Variants in OR1I1 observed in about 807,000 individuals in gnomAD.
The protein encoded by OR1I1 is olfactory receptor family 1 subfamily I member 1.
For missense variants in OR1I1, 451 were observed against 443.6 expected, an observed-to-expected ratio of 1.02 and a Z score of -0.15; for synonymous variants, 171 against 181.4, an observed-to-expected ratio of 0.94 and a Z score of 0.46.
rs1292750205 is a variant in OR1I1 at position 15,091,693 on chromosome 19, G to C, written c.*3560G>C. On this transcript the variant is annotated 3_prime_UTR_variant, in exon 2 of 2. Coordinates refer to ENST00000641398, the MANE Select transcript of OR1I1 (RefSeq NM_001004713.2). ...AAAAATACAAAACTTAGCCAGGCGT[G>C]GTGGCCCACACCTGTAGTCCCAGCT... 6.6e-6 allele frequency: 1 copy of C among 151,370 alleles called. No homozygotes were observed. The highest frequency in any genetic ancestry group is 1.9e-4 in the East Asian group (1 of 5,166). The allele number at this position is 151,370 out of a possible 1,614,324, so 9.4% of individuals were successfully genotyped here. A position where few individuals can be genotyped will look rare whatever the true frequency, so the allele number is the denominator to read the frequency against.
At position 15,092,925 on chromosome 19, in the gene OR1I1, G is replaced by A. The variant is rs370829827; in HGVS notation, c.*4792G>A. The A allele has an allele frequency of 1.4e-4, 21 of 152,270 alleles. No individual in the cohort carries two copies. In the East Asian group the frequency reaches 3.9e-3, roughly 28 times the overall value. The allele number at this position is 152,270 out of a possible 1,614,324, so 9.4% of individuals were successfully genotyped here. A position where few individuals can be genotyped will look rare whatever the true frequency, so the allele number is the denominator to read the frequency against. On this transcript the variant is annotated 3_prime_UTR_variant, in exon 2 of 2. Transcript: ENST00000641398. ...GAGGAAGGAGGATCACTTAAGCCCA[G>A]GAGGTCAAGGCTGCAGTGAGCTATG...
intron 1 of OR1I1, among the ~76,000 whole-genome samples, chr19:15,085,167 TA>T (rs1555717376): frequency 0.093 from 3,874 of 41,534 alleles, 522 homozygotes; most frequent in Non-Finnish European, 0.12. Context: ...TATATATATA[TA>T]TATATATATT....
At chr19:15,083,437 C>T (rs1178862306) in intron 1 of OR1I1, among the ~76,000 whole-genome samples, 1 of 152,146 alleles carries the variant, frequency 6.6e-6, no homozygotes, top group Non-Finnish European at 1.5e-5. Flanking sequence ...GACCCTGAAG[C>T]GTGCTCAAGG....
At position 15,088,705 on chromosome 19, in the gene OR1I1, TAGATAGACAGAC is replaced by T. The variant is rs1216909360; in HGVS notation, c.*580_*591del. On this transcript the variant is annotated 3_prime_UTR_variant, in exon 2 of 2. Coordinates refer to ENST00000641398, the MANE Select transcript of OR1I1 (RefSeq NM_001004713.2). Reference sequence around the variant, plus strand: ...ATAGATAGATAGATAGATAGATAGATAGATAGACAGACAGATAGATAGAGAGGATAAGATAAG... The same window carrying T: ...ATAGATAGATAGATAGATAGATAGATAGATAGATAGAGAGGATAAGATAAG... 5 of 35,008 alleles carry T rather than the reference TAGATAGACAGAC, an allele frequency of 1.4e-4. No individual in the cohort carries two copies. The highest frequency in any genetic ancestry group is 3.0e-4 in the African/African-American group (5 of 16,810). The allele number at this position is 35,008 out of a possible 1,614,324, so 2.2% of individuals were successfully genotyped here.
rs537212609 is a variant in OR1I1 at position 15,086,831 on chromosome 19, G to A, written c.-13-222G>A. The stretch of plus-strand genomic sequence containing the variant: ...ATCCAAGTTGACTATGAGCGACTCC[G>A]TTAGATCCTTGAGACCCTGACTGTC... On this transcript the variant is annotated intron_variant, in intron 1 of 1. Coordinates refer to ENST00000641398, the MANE Select transcript of OR1I1 (RefSeq NM_001004713.2). The A allele has an allele frequency of 2.2e-4, 132 of 612,944 alleles. 1 individual carries two copies. The highest frequency in any genetic ancestry group is 2.1e-3 in the African/African-American group (116 of 54,226). The allele number at this position is 612,944 out of a possible 1,614,324, so 38.0% of individuals were successfully genotyped here. A position where few individuals can be genotyped will look rare whatever the true frequency, so the allele number is the denominator to read the frequency against.
chr19:15,085,698 G>T (rs559351077), intron 1 of OR1I1, among the ~76,000 whole-genome samples: 2 of 150,314 alleles, frequency 1.3e-5, no homozygotes, highest in African/African-American at 4.9e-5. Context: ...CCCACCTCCC[G>T]CCCCCAGCCC....
intron 1 of OR1I1, among the ~76,000 whole-genome samples, chr19:15,082,842 C>T (rs1164781513): frequency 3.9e-5 from 6 of 152,062 alleles, no homozygotes; most frequent in Non-Finnish European, 7.4e-5. Context: ...CAGGGTCTCG[C>T]TCTGTTGCCC....
At chr19:15,086,863 A>T in intron 1 of OR1I1, 190 bp from the exon 2 acceptor site, 1 of 802,978 alleles carries the variant, frequency 1.2e-6, no homozygotes, top group Non-Finnish European at 1.9e-6. Flanking sequence ...TGTCTCAGGC[A>T]TGAATGACTT....
In OR1I1 at chr19:15,087,180, A is replaced by C. The variant is rs1295680555; in HGVS notation, c.115A>C (p.Ile39Leu). The change falls in exon 2 of 2, where the codon ATC (isoleucine) becomes CTC (leucine). Residue 39 changes from isoleucine (I) to leucine (L), a missense_variant. By Grantham distance (5) the Ile-to-Leu change is conservative (BLOSUM62 2). Transcript: ENST00000641398. ...GTTCCTCTCCACATACCTGGTCACC[A>C]TCATTGGAAATGCCCTCATTATCCT... ...TMFLSTYLVT[I>L]IGNALIILAI... is the part of the protein sequence containing the mutation. 6.2e-7 allele frequency: 1 copy of C among 1,613,942 alleles called. No individual in the cohort carries two copies. The highest frequency in any genetic ancestry group is 8.5e-7 in the Non-Finnish European group (1 of 1,179,996).
At position 15,090,781 on chromosome 19, in the gene OR1I1, G is replaced by A. The variant is rs1194509278; in HGVS notation, c.*2648G>A. The A allele has an allele frequency of 6.6e-6, 1 of 152,036 alleles. No homozygotes were observed. Among genetic ancestry groups the A allele is most frequent in the Non-Finnish European group, 1.5e-5 (1 of 68,118 alleles). 9.4% of individuals were successfully genotyped at this position (152,036 alleles called of 1,614,324 possible). A position where few individuals can be genotyped will look rare whatever the true frequency, so the allele number is the denominator to read the frequency against. ...CAGCTATATATATTTGTAGAGACAGGGTCTCACTATGTTGCCCAGGCTGGT... is the reference window on the plus strand; with the variant it reads ...CAGCTATATATATTTGTAGAGACAGAGTCTCACTATGTTGCCCAGGCTGGT... On this transcript the variant is annotated 3_prime_UTR_variant, in exon 2 of 2. Transcript: ENST00000641398.
In OR1I1 at chr19:15,087,163, C is replaced by T. The variant is rs765883662; in HGVS notation, c.98C>T (p.Ser33Phe). Residue 33 changes from serine to phenylalanine, a missense_variant, in exon 2 of 2, where the codon TCC (serine) becomes TTC (phenylalanine). By Grantham distance (155) the Ser-to-Phe change is radical. Transcript: ENST00000641398. The part of the protein sequence containing the change: ...HQTLLFTMFL[S>F]TYLVTIIGNA... ...ACCCTCCTCTTCACAATGTTCCTCT[C>T]CACATACCTGGTCACCATCATTGGA... The T allele has an allele frequency of 1.9e-6, 3 of 1,614,112 alleles. No individual in the cohort carries two copies. Among genetic ancestry groups the T allele is most frequent in the Admixed American group, 1.7e-5 (1 of 60,002 alleles).
chr19:15,086,996 A>C, intron 1 of OR1I1, 57 bp from the exon 2 acceptor site: 16 of 1,528,430 alleles, frequency 1.0e-5, no homozygotes, highest in Non-Finnish European at 1.4e-5. Context: ...CTGGGACCAG[A>C]ATGGCATCTC....
rs1568323063 is a variant in OR1I1 at position 15,088,810 on chromosome 19, T to TAGATAGAC, written c.*684_*685insCAGATAGA. 2.7e-5 allele frequency: 4 copies of TAGATAGAC among 150,782 alleles called. No homozygotes were observed. The South Asian group carries it at 8.4e-4, about 32-fold the overall frequency. 9.3% of individuals were successfully genotyped at this position (150,782 alleles called of 1,614,324 possible). On this transcript the variant is annotated 3_prime_UTR_variant, in exon 2 of 2. Coordinates refer to ENST00000641398, the MANE Select transcript of OR1I1 (RefSeq NM_001004713.2). ...ATAGATAGATAGATAGATAGATAGA[T>TAGATAGAC]AGATAGATAGATATACAGATAGATA...
intron 1 of OR1I1, among the ~76,000 whole-genome samples, chr19:15,083,270 G>T (rs150436678): frequency 6.6e-6 from 1 of 152,002 alleles, no homozygotes; most frequent in African/African-American, 2.4e-5. Context: ...GATCCAGGGC[G>T]GGATTGGGGG....
At chr19:15,083,917 G>A (rs1248738405) in intron 1 of OR1I1, among the ~76,000 whole-genome samples, 3 of 152,204 alleles carry the variant, frequency 2.0e-5, no homozygotes, top group Non-Finnish European at 2.9e-5. Flanking sequence ...GAACCCAGGA[G>A]ACGGATGTTG....
chr19:15,089,960 T>G lies in OR1I1; in HGVS notation c.*1827T>G, dbSNP rs73008832. The G allele has an allele frequency of 0.16, 24,599 of 151,958 alleles. 2,167 individuals carry two copies. Among genetic ancestry groups the G allele is most frequent in the South Asian group, 0.29 (1,401 of 4,806 alleles). 9.4% of individuals were successfully genotyped at this position (151,958 alleles called of 1,614,324 possible). On this transcript the variant is annotated 3_prime_UTR_variant, in exon 2 of 2. Coordinates refer to ENST00000641398, the MANE Select transcript of OR1I1 (RefSeq NM_001004713.2). ...ATTAGATTACAGTAAGGTCATTAGG[T>G]TGGTCCCTAATCTGATACGACTGGC... is the stretch of plus-strand genomic sequence containing the variant.
At chr19:15,084,494 G>A (rs917337804) in intron 1 of OR1I1, among the ~76,000 whole-genome samples, 7 of 152,134 alleles carry the variant, frequency 4.6e-5, no homozygotes, top group Admixed American at 4.6e-4. Flanking sequence ...GGAGGCGGGG[G>A]TTGCAGTGAG....
At chr19:15,085,405 C>T (rs772689847) in intron 1 of OR1I1, among the ~76,000 whole-genome samples, 14 of 151,666 alleles carry the variant, frequency 9.2e-5, no homozygotes, top group South Asian at 2.1e-4. Context: ...CTCCTGACCT[C>T]AGGTGATCCC....
Position 15,087,698 on chromosome 19 carries a change from C to T in OR1I1, c.633C>T (p.Phe211=). 1 of 1,614,214 alleles carries T rather than the reference C, an allele frequency of 6.2e-7. No homozygotes were observed. Among genetic ancestry groups the T allele is most frequent in the Middle Eastern group, 1.6e-4 (1 of 6,062 alleles). The change falls in exon 2 of 2, where the codon TTC becomes TTT. Residue 211 remains phenylalanine, a synonymous_variant. Transcript: ENST00000641398. ...GCATTGTCGTGGGCACCAGCCCATT[C>T]TCCTGCATCCTTCTCTCGTACATCC... ...AFGIVVGTSP[F]SCILLSYIRI...
Sources: gnomAD v4.1 joint callset for allele counts (sites outside exome capture counted in the v4.1 genomes callset) on GRCh38, gnomAD v4.1.1 for gene constraint, MANE v1.5 for transcripts, NCBI Gene and HGNC (gene_info 2026-07-23, HGNC 2026-07-21) for gene names.